NR2F1-AS1: variants seen among roughly 807,000 people sequenced by gnomAD.
The protein encoded by NR2F1-AS1 is NR2F1 regulatory antisense RNA 1.
chr5:93,451,725 A>G (rs1348148959), intron 4 of NR2F1-AS1, among the ~76,000 whole-genome samples: 1 of 152,156 alleles, frequency 6.6e-6, no homozygotes, highest in East Asian at 1.9e-4. Flanking sequence ...ATTTAATTCT[A>G]TATTGGTTTT....
intron 4 of NR2F1-AS1, among the ~76,000 whole-genome samples, chr5:93,552,989 T>C (rs1752267986): frequency 6.6e-6 from 1 of 152,120 alleles, no homozygotes; most frequent in Non-Finnish European, 1.5e-5. Flanking sequence ...ATATTAAATA[T>C]ATAGAAGTCA....
chr5:93,413,551 C>T (rs1326037356), intron 4 of NR2F1-AS1, among the ~76,000 whole-genome samples: 1 of 152,162 alleles, frequency 6.6e-6, no homozygotes, highest in Non-Finnish European at 1.5e-5. Context: ...CTGAGCTGAG[C>T]TCATCAGAGA....
At chr5:93,535,049 C>T (rs537283079) in intron 4 of NR2F1-AS1, among the ~76,000 whole-genome samples, 2 of 151,494 alleles carry the variant, frequency 1.3e-5, no homozygotes, top group East Asian at 3.9e-4. Flanking sequence ...AGACTAAATA[C>T]AATATCTGCA....
At chr5:93,565,192 T>C (rs1335703701) in intron 1 of NR2F1-AS1, among the ~76,000 whole-genome samples, 4 of 152,182 alleles carry the variant, frequency 2.6e-5, no homozygotes, top group Admixed American at 2.6e-4. Context: ...TTTCTTGGCC[T>C]CTGTCTTTTG....
chr5:93,508,020 T>A (rs1420547320), intron 4 of NR2F1-AS1, among the ~76,000 whole-genome samples: 1 of 152,150 alleles, frequency 6.6e-6, no homozygotes, highest in Non-Finnish European at 1.5e-5. Context: ...ATGAAAAAAA[T>A]TCAGTTTCAT....
chr5:93,507,068 A>T (rs1225841614), intron 4 of NR2F1-AS1, among the ~76,000 whole-genome samples: 4 of 152,226 alleles, frequency 2.6e-5, no homozygotes, highest in African/African-American at 9.6e-5. Flanking sequence ...TTAGTAATGT[A>T]ATCTGCCATA....
At chr5:93,557,123 T>C (rs894002198) in intron 2 of NR2F1-AS1, among the ~76,000 whole-genome samples, 2 of 152,088 alleles carry the variant, frequency 1.3e-5, no homozygotes, top group Admixed American at 1.3e-4. Context: ...CATCACATAA[T>C]CAAACATCAG....
At chr5:93,468,358 G>A (rs1750287367) in intron 4 of NR2F1-AS1, among the ~76,000 whole-genome samples, 1 of 151,824 alleles carries the variant, frequency 6.6e-6, no homozygotes, top group South Asian at 2.1e-4. Flanking sequence ...GGCATGAGAT[G>A]GTATCTCATT....
Position 93,418,670 on chromosome 5 carries a change from C to G in NR2F1-AS1, n.639-23128G>C, listed in dbSNP as rs577658156. On this transcript the variant is annotated intron_variant and non_coding_transcript_variant, in intron 4 of 5. Coordinates refer to ENST00000660523, the Ensembl canonical transcript of NR2F1-AS1. ...TAAATTCATCCAAATATCTGAGGCT[C>G]CCATAATTTGCTGACCCCTTATCTG... 2.6e-5 allele frequency among the ~76,000 whole-genome samples: 4 copies of G among 152,252 alleles called. No homozygotes were observed. In the East Asian group the frequency reaches 7.7e-4, roughly 29 times the overall value.
At chr5:93,562,195 A>AAAAAGAAAAGAAAAGAAAAG (rs1554072352) in intron 2 of NR2F1-AS1, among the ~76,000 whole-genome samples, 22 of 136,712 alleles carry the variant, frequency 1.6e-4, no homozygotes, top group South Asian at 8.8e-4. Context: ...AAAAAAAAAA[A>AAAAAGAAAAGAAAAGAAAAG]AAAAGAAAAG....
chr5:93,493,912 T>G (rs535010563), intron 4 of NR2F1-AS1, among the ~76,000 whole-genome samples: 2 of 152,288 alleles, frequency 1.3e-5, no homozygotes, highest in South Asian at 4.1e-4. Flanking sequence ...AACCATACAC[T>G]TAAATCTTCA....
chr5:93,543,482 GC>G (rs1752003276), intron 4 of NR2F1-AS1: 1 of 152,164 alleles, frequency 6.6e-6, no homozygotes, highest in African/African-American at 2.4e-5. Flanking sequence ...TCAATGTATT[GC>G]ATTTGCAGCA....
At chr5:93,414,129 A>G (rs1452591400) in intron 4 of NR2F1-AS1, among the ~76,000 whole-genome samples, 1 of 152,218 alleles carries the variant, frequency 6.6e-6, no homozygotes, top group Non-Finnish European at 1.5e-5. Context: ...CATACTACAT[A>G]CATATACACA....
intron 4 of NR2F1-AS1, among the ~76,000 whole-genome samples, chr5:93,462,500 G>C (rs1750118167): frequency 1.3e-5 from 2 of 152,158 alleles, no homozygotes; most frequent in South Asian, 2.1e-4. Context: ...AATTGTACCA[G>C]TAGAGTGGGG....
At chr5:93,512,651 A>G (rs1346667725) in intron 4 of NR2F1-AS1, among the ~76,000 whole-genome samples, 1 of 152,154 alleles carries the variant, frequency 6.6e-6, no homozygotes, top group Non-Finnish European at 1.5e-5. Flanking sequence ...CTCCACTCAC[A>G]GTAAGTGCCC....
At chr5:93,496,941 T>C (rs558034716) in intron 4 of NR2F1-AS1, among the ~76,000 whole-genome samples, 1 of 152,306 alleles carries the variant, frequency 6.6e-6, no homozygotes, top group African/African-American at 2.4e-5. Flanking sequence ...ACAGAAAACA[T>C]CTGCATTCAA....
intron 4 of NR2F1-AS1, among the ~76,000 whole-genome samples, chr5:93,478,757 T>C (rs1178275122): frequency 6.6e-6 from 1 of 152,230 alleles, no homozygotes; most frequent in African/African-American, 2.4e-5. Context: ...AGCATTCATC[T>C]GAAGGTTTAT....
chr5:93,461,189 G>A (rs1417723700), intron 4 of NR2F1-AS1, among the ~76,000 whole-genome samples: 1 of 152,176 alleles, frequency 6.6e-6, no homozygotes, highest in Non-Finnish European at 1.5e-5. Context: ...TGCAAGACAT[G>A]GATGGAGCTG....
At chr5:93,449,815 G>A (rs1359618428) in intron 4 of NR2F1-AS1, among the ~76,000 whole-genome samples, 1 of 152,084 alleles carries the variant, frequency 6.6e-6, no homozygotes, top group Non-Finnish European at 1.5e-5. Flanking sequence ...ATACCTATTA[G>A]AGCAGCCTAC....
Sources: allele counts gnomAD v4.1 joint callset (sites outside exome capture counted in the v4.1 genomes callset), GRCh38; gene constraint gnomAD v4.1.1; transcripts MANE v1.5; gene names NCBI Gene and HGNC (gene_info 2026-07-23, HGNC 2026-07-21).